The following CACNA1I variants were observed in gnomAD, a reference collection of about 807,000 sequenced individuals.
The protein encoded by CACNA1I is voltage-dependent T-type calcium channel subunit alpha-1I.
In CACNA1I, 74 loss-of-function variants were observed where a neutral mutation model predicts 201.6. The observed-to-expected ratio is 0.37, with a 90% CI of 0.30 to 0.45. The LOEUF is 0.45. CACNA1I is among the 20% of genes least tolerant of loss of function. The pLI, the probability that CACNA1I is intolerant of heterozygous loss-of-function variation, is 1.00. For synonymous variants in CACNA1I, 1,431 were observed against 1,345.2 expected, an observed-to-expected ratio of 1.06 and a Z score of -1.40; for missense variants, 2,346 against 3,138.1, an observed-to-expected ratio of 0.75 and a Z score of 6.03.
chr22:39,658,347 GA>G (rs1934892885), intron 11 of CACNA1I, 44 bp downstream of exon 11: 1 of 1,583,332 alleles, frequency 6.3e-7, no homozygotes, highest in African/African-American at 1.3e-5. Flanking sequence ...GCCTCGGGGG[GA>G]CATTTACTGC....
chr22:39,686,176 C>G lies in CACNA1I; in HGVS notation c.6443C>G (p.Thr2148Arg), dbSNP rs1452954335. The stretch of plus-strand genomic sequence containing the variant: ...CCCCCGCCGCCAGCCCCCGGCCTCA[C>G]GCCCGCCAGGAAGTTCAGCAGCACC... ...PPPPPPAPGLTPARKFSSTSS... is the reference protein window; with the variant it reads ...PPPPPPAPGLRPARKFSSTSS... The change falls in exon 37 of 37, where the codon ACG becomes AGG. Residue 2148 changes from threonine (T) to arginine (R), a missense_variant. Coordinates refer to ENST00000402142, the MANE Select transcript of CACNA1I (RefSeq NM_021096.4). The G allele has an allele frequency of 1.6e-6, 2 of 1,286,902 alleles. No individual in the cohort carries two copies. The highest frequency in any genetic ancestry group is 3.5e-5 in the Admixed American group (1 of 28,896). 79.7% of individuals were successfully genotyped at this position (1,286,902 alleles called of 1,614,324 possible). A position where few individuals can be genotyped will look rare whatever the true frequency, so the allele number is the denominator to read the frequency against.
intron 3 of CACNA1I, among the ~76,000 whole-genome samples, chr22:39,611,217 T>G (rs1933377782): frequency 6.6e-6 from 1 of 152,204 alleles, no homozygotes; most frequent in South Asian, 2.1e-4. Flanking sequence ...ACACCCATGA[T>G]GGTGTTACAT....
chr22:39,605,944 A>G (rs1933208344), intron 3 of CACNA1I, among the ~76,000 whole-genome samples: 1 of 152,136 alleles, frequency 6.6e-6, no homozygotes, highest in Non-Finnish European at 1.5e-5. Context: ...GCTTCATTGC[A>G]CAGGCAAGGT....
rs912686670 is a variant in CACNA1I, at chr22:39,598,094, C to A, written c.237-57C>A. 73 of 1,015,476 alleles carry A rather than the reference C, an allele frequency of 7.2e-5. 1 individual carries two copies. In the South Asian group the frequency reaches 9.3e-4, roughly 13 times the overall value. The allele number at this position is 1,015,476 out of a possible 1,614,324, so 62.9% of individuals were successfully genotyped here. A position where few individuals can be genotyped will look rare whatever the true frequency, so the allele number is the denominator to read the frequency against. On this transcript the variant is annotated intron_variant, in intron 1 of 36. Transcript: ENST00000402142. Reference sequence around the variant, plus strand: ...GTTGCGGGTATTACACTCTAGGGTGCACCCCAGCCCCCACGGGCGATCCCA... The same window carrying A: ...GTTGCGGGTATTACACTCTAGGGTGAACCCCAGCCCCCACGGGCGATCCCA...
In CACNA1I at chr22:39,648,321, A is replaced by C. The variant is rs1934550315; in HGVS notation, c.1567+395A>C. 6.6e-6 allele frequency among the ~76,000 whole-genome samples: 1 copy of C among 152,188 alleles called. No individual in the cohort carries two copies. Among genetic ancestry groups the C allele is most frequent in the African/African-American group, 2.4e-5 (1 of 41,454 alleles). ...CGGACACAGGAGCTGGGGCCGGGCAAGGCTGGCACTGGTGTTGCTGGAGGA... is the reference window on the plus strand; with the variant it reads ...CGGACACAGGAGCTGGGGCCGGGCACGGCTGGCACTGGTGTTGCTGGAGGA... On this transcript the variant is annotated intron_variant, in intron 9 of 36. Coordinates refer to ENST00000402142, the MANE Select transcript of CACNA1I (RefSeq NM_021096.4). This position sits in a 1 kb window ranked among gnomAD's most constrained non-coding sequence, Gnocchi z 5.4.
intron 1 of CACNA1I, among the ~76,000 whole-genome samples, chr22:39,579,855 G>C (rs1932493155): frequency 6.6e-6 from 1 of 152,112 alleles, no homozygotes; most frequent in Non-Finnish European, 1.5e-5. Context: ...TGCCATGTTG[G>C]GCAAGCTGGT....
chr22:39,580,714 G>A (rs932495550), intron 1 of CACNA1I, among the ~76,000 whole-genome samples: 2 of 152,144 alleles, frequency 1.3e-5, no homozygotes, highest in Non-Finnish European at 1.5e-5. Flanking sequence ...TGTGGGCCAC[G>A]GGTGGGTGTC....
At chr22:39,595,016 G>A (rs1056009323) in intron 1 of CACNA1I, among the ~76,000 whole-genome samples, 3 of 152,134 alleles carry the variant, frequency 2.0e-5, no homozygotes, top group East Asian at 1.9e-4. Context: ...CACGCCAGGC[G>A]CGGTGGCTCA....
At chr22:39,635,088 A>C (rs932753918) in intron 5 of CACNA1I, among the ~76,000 whole-genome samples, 1 of 152,074 alleles carries the variant, frequency 6.6e-6, no homozygotes, top group Non-Finnish European at 1.5e-5. Context: ...TGGATCTTGG[A>C]GGAGCTGGGC....
In CACNA1I at chr22:39,585,366, TTTTC is replaced by T. The variant is rs199756533; in HGVS notation, c.237-12765_237-12762del. Reference sequence around the variant, plus strand: ...GTGTGAGCCACTGGGCCCGGGCTTTTTTTCTTTCTTTCTTTCTTTCTTTTTTTTT... The same window carrying T: ...GTGTGAGCCACTGGGCCCGGGCTTTTTTTCTTTCTTTCTTTCTTTTTTTTT... On this transcript the variant is annotated intron_variant, in intron 1 of 36. Transcript: ENST00000402142. Among the ~76,000 whole-genome samples the T allele has an allele frequency of 5.0e-3, 581 of 116,098 alleles. 10 individuals are homozygous for T. Among genetic ancestry groups the T allele is most frequent in the African/African-American group, 0.017 (564 of 32,426 alleles). The allele number at this position is 116,098 out of a possible 152,430, so 76.2% of individuals were successfully genotyped here.
chr22:39,681,057 G>T lies in CACNA1I; in HGVS notation c.5664+5G>T. ...CCTGGCCGCAAAGACAGCAAGGTCA[G>T]CTCCCCTGGGGACTCCTGAGCAGGC... is the stretch of plus-strand genomic sequence containing the variant. On this transcript the variant is annotated splice_donor_5th_base_variant and intron_variant, in intron 34 of 36. Transcript: ENST00000402142. The T allele has an allele frequency of 6.2e-7, 1 of 1,607,972 alleles. No homozygotes were observed.
intron 3 of CACNA1I, among the ~76,000 whole-genome samples, chr22:39,616,610 C>G (rs186516141): frequency 1.3e-5 from 2 of 151,832 alleles, no homozygotes; most frequent in Non-Finnish European, 2.9e-5. Context: ...ACTAAAAATA[C>G]AAAATTAGCT....
intron 10 of CACNA1I, among the ~76,000 whole-genome samples, chr22:39,653,513 C>T (rs9607663): frequency 0.052 from 7,859 of 152,238 alleles, 290 homozygotes; most frequent in Middle Eastern, 0.12. Context: ...CCCAGGGCTT[C>T]CAAGGGGGGT....
At chr22:39,657,240 A>G (rs1046409141) in intron 10 of CACNA1I, among the ~76,000 whole-genome samples, 2 of 152,142 alleles carry the variant, frequency 1.3e-5, no homozygotes, top group African/African-American at 4.8e-5. Context: ...GTTAAAAACC[A>G]GGGGTAAACA....
Position 39,658,175 on chromosome 22 carries a change from G to C in CACNA1I, c.2016G>C (p.Leu672=). 6.2e-7 allele frequency: 1 copy of C among 1,614,002 alleles called. No individual in the cohort carries two copies. The highest frequency in any genetic ancestry group is 8.5e-7 in the Non-Finnish European group (1 of 1,179,870). The change falls in exon 11 of 37, where the codon CTG becomes CTC. Residue 672 remains leucine (L), a synonymous_variant. Coordinates refer to ENST00000402142, the MANE Select transcript of CACNA1I (RefSeq NM_021096.4). ...AGCCGGAGGAGCTGACCAACATCCT[G>C]GAGATCTGCAATGTGGTCTTCACCA... ...HEQPEELTNI[L]EICNVVFTSM... is the part of the protein sequence containing the mutation.
At chr22:39,671,391 A>G (rs1935372382) in intron 26 of CACNA1I, among the ~76,000 whole-genome samples, 2 of 152,224 alleles carry the variant, frequency 1.3e-5, no homozygotes, top group Admixed American at 1.3e-4. Context: ...TTACTCAGCC[A>G]TAGGTAGTGG....
intron 1 of CACNA1I, among the ~76,000 whole-genome samples, chr22:39,597,338 G>C (rs1294239922): frequency 6.6e-6 from 1 of 152,194 alleles, no homozygotes; most frequent in Non-Finnish European, 1.5e-5. Flanking sequence ...TGTGTTCTAA[G>C]GATGGGTAGG....
chr22:39,675,241 C>T (rs775446875), intron 29 of CACNA1I, among the ~76,000 whole-genome samples: 17 of 152,184 alleles, frequency 1.1e-4, no homozygotes, highest in Admixed American at 4.6e-4. Context: ...TTTCAAAGGG[C>T]GGCGGTGAGG....
chr22:39,575,934 C>T (rs192641507), intron 1 of CACNA1I, among the ~76,000 whole-genome samples: 98 of 152,154 alleles, frequency 6.4e-4, no homozygotes, highest in Admixed American at 5.4e-3. Context: ...ACCACCATGC[C>T]GGGCTAATTT....
Sources: allele counts gnomAD v4.1 joint callset (sites outside exome capture counted in the v4.1 genomes callset), GRCh38; gene constraint gnomAD v4.1.1; non-coding constraint Gnocchi (gnomAD v3.1); transcripts MANE v1.5; gene names NCBI Gene and HGNC (gene_info 2026-07-23, HGNC 2026-07-21).